The following DNAJC17 variants were observed in gnomAD, a reference collection of about 807,000 sequenced individuals.
DNAJC17 encodes dnaJ homolog subfamily C member 17.
A neutral mutation model predicts 48.1 loss-of-function variants in DNAJC17; 35 were observed. The observed-to-expected ratio is 0.73, with a 90% CI of 0.56 to 0.96. The LOEUF is 0.96. Among genes scored for constraint, DNAJC17 ranks in the 50% least tolerant of loss-of-function variants. The probability of loss-of-function intolerance (pLI) is 0.00; values close to 1 mark genes in which losing one functional copy is unlikely to be tolerated. For synonymous variants in DNAJC17, 117 were observed against 142.7 expected, an observed-to-expected ratio of 0.82 and a Z score of 1.28; for missense variants, 355 against 377.1, an observed-to-expected ratio of 0.94 and a Z score of 0.48.
chr15:40,796,062 T>C (rs1272053365), intron 1 of DNAJC17, among the ~76,000 whole-genome samples: 7 of 152,244 alleles, frequency 4.6e-5, no homozygotes, highest in Non-Finnish European at 8.8e-5. Flanking sequence ...TTCTGCATTA[T>C]AAACCAAAAG....
At chr15:40,777,875 A>G (rs1889375750) in intron 4 of DNAJC17, among the ~76,000 whole-genome samples, 1 of 152,196 alleles carries the variant, frequency 6.6e-6, no homozygotes, top group African/African-American at 2.4e-5. Flanking sequence ...AAATTTACGA[A>G]AAATCATTGA....
At position 40,774,366 on chromosome 15, in the gene DNAJC17, A is replaced by T. The variant is rs548038695; in HGVS notation, c.671T>A (p.Val224Asp). The change falls in exon 9 of 11, where the codon GTC (valine) becomes GAC (aspartate). Residue 224 changes from valine (V) to aspartate (D), a missense_variant. Val to Asp is a radical substitution (Grantham distance 152, BLOSUM62 -3). Transcript: ENST00000220496. The stretch of plus-strand genomic sequence containing the variant: ...TCATGCAGCACTCACCGCTGCCTTG[A>T]CGGTTGCAAACTCCACCACAGCAGT... ...PGTAVVEFAT[V>D]KAAELAVQNE... The T allele has an allele frequency of 1.2e-4, 193 of 1,613,966 alleles. 1 individual carries two copies. In the South Asian group the frequency reaches 2.0e-3, roughly 16 times the overall value.
intron 10 of DNAJC17, among the ~76,000 whole-genome samples, chr15:40,772,986 AGTCTTG>A (rs1377129797): frequency 6.9e-6 from 1 of 145,916 alleles, no homozygotes; most frequent in Admixed American, 6.8e-5. Context: ...TTTGAGATGA[AGTCTTG>A]CTCTGTTGCC....
intron 2 of DNAJC17, 143 bp downstream of exon 2, chr15:40,779,785 G>T (rs369035699): frequency 8.7e-5 from 98 of 1,128,172 alleles, no homozygotes; most frequent in Middle Eastern, 8.5e-4. Context: ...ACCCCTCACA[G>T]GAGGGAAGCC....
chr15:40,805,375 C>CAAA (rs559577744), intron 1 of DNAJC17, among the ~76,000 whole-genome samples: 9 of 107,878 alleles, frequency 8.3e-5, no homozygotes, highest in Middle Eastern at 5.2e-3. Flanking sequence ...TACTCTGTCT[C>CAAA]AAAAAAAAAA....
Position 40,766,717 on chromosome 15 carries a change from C to G in DNAJC17, c.*1223G>C, listed in dbSNP as rs1888958316. On this transcript the variant is annotated 3_prime_UTR_variant, in exon 11 of 11. Transcript: ENST00000220496. ...AGGGAGTGGCGCACAGAGCCAGGAG[C>G]TACTGGGGCTCAGCCTTGTTGCTAC... 1 of 152,512 alleles carries G rather than the reference C, an allele frequency of 6.6e-6. No homozygotes were observed. Among genetic ancestry groups the G allele is most frequent in the Non-Finnish European group, 1.5e-5 (1 of 68,238 alleles). 9.4% of individuals were successfully genotyped at this position (152,512 alleles called of 1,614,324 possible). A position where few individuals can be genotyped will look rare whatever the true frequency, so the allele number is the denominator to read the frequency against.
chr15:40,774,268 C>T, intron 9 of DNAJC17, 88 bp downstream of exon 9: 1 of 1,452,378 alleles, frequency 6.9e-7, no homozygotes, highest in South Asian at 1.2e-5. Context: ...GGAGTGCAGA[C>T]CACCTAACTC....
intron 4 of DNAJC17, 67 bp from the exon 5 acceptor site, chr15:40,776,694 C>T: frequency 6.5e-7 from 1 of 1,539,650 alleles, no homozygotes; most frequent in Non-Finnish European, 8.9e-7. Flanking sequence ...CGGCCCACCC[C>T]AGCTCTGGCT....
intron 1 of DNAJC17, among the ~76,000 whole-genome samples, chr15:40,804,122 C>A (rs923005148): frequency 6.7e-6 from 1 of 150,326 alleles, no homozygotes; most frequent in Admixed American, 6.6e-5. Flanking sequence ...GCGTAACACC[C>A]TGCCCAGCTT....
intron 2 of DNAJC17, 78 bp downstream of exon 2, chr15:40,779,850 C>G: frequency 1.3e-6 from 2 of 1,493,340 alleles, no homozygotes; most frequent in Non-Finnish European, 1.8e-6. Flanking sequence ...ACAGCACTCA[C>G]ATGCAGAGCT....
At chr15:40,782,777 C>G (rs1889537867) in intron 1 of DNAJC17, among the ~76,000 whole-genome samples, 1 of 152,116 alleles carries the variant, frequency 6.6e-6, no homozygotes, top group African/African-American at 2.4e-5. Flanking sequence ...ATGAGGCAGC[C>G]ACCGGGCCCA....
chr15:40,774,498 C>T (rs1043168938), intron 8 of DNAJC17, 62 bp from the exon 9 acceptor site: 1 of 1,585,384 alleles, frequency 6.3e-7, no homozygotes. Flanking sequence ...CAGGTCATGC[C>T]AGAGACAAGC....
intron 4 of DNAJC17, among the ~76,000 whole-genome samples, chr15:40,778,827 G>A (rs1420380842): frequency 2.6e-5 from 4 of 152,118 alleles, no homozygotes; most frequent in Non-Finnish European, 4.4e-5. Context: ...TCCCACTATC[G>A]TGAGGCTGAG....
At position 40,768,035 on chromosome 15, in the gene DNAJC17, C is replaced by G. The variant is rs988903938; in HGVS notation, c.820G>C (p.Glu274Gln). The G allele has an allele frequency of 2.5e-6, 4 of 1,590,846 alleles. No individual in the cohort carries two copies. In the African/African-American group the frequency reaches 5.4e-5, roughly 22 times the overall value. ...KGSVLSERDY[E>Q]SLVMMRMRQA... is the part of the protein sequence containing the mutation. Reference sequence around the variant, plus strand: ...CGCATGCGCATCATGACGAGGCTCTCGTAGTCCCTCTCTGACAGCACTGAG... The same window carrying G: ...CGCATGCGCATCATGACGAGGCTCTGGTAGTCCCTCTCTGACAGCACTGAG... Residue 274 changes from glutamate (E) to glutamine (Q), a missense_variant, in exon 11 of 11, where the codon GAG (glutamate) becomes CAG (glutamine). Coordinates refer to ENST00000220496, the MANE Select transcript of DNAJC17 (RefSeq NM_018163.3).
intron 9 of DNAJC17, 34 bp from the exon 10 acceptor site, chr15:40,773,871 G>A (rs746953884): frequency 2.1e-5 from 34 of 1,582,132 alleles, no homozygotes; most frequent in South Asian, 6.8e-5. Flanking sequence ...TGTCCCATCC[G>A]TTGAGTCAGC....
At chr15:40,802,417 C>G (rs562223944) in intron 1 of DNAJC17, among the ~76,000 whole-genome samples, 1 of 152,248 alleles carries the variant, frequency 6.6e-6, no homozygotes, top group Admixed American at 6.5e-5. Context: ...GATCTGCCTG[C>G]CTGGGCCTCT....
intron 1 of DNAJC17, among the ~76,000 whole-genome samples, chr15:40,793,950 A>G (rs73398557): frequency 2.7e-4 from 41 of 152,330 alleles, no homozygotes; most frequent in African/African-American, 9.1e-4. Flanking sequence ...TATAACTGCT[A>G]ATAAGTACAA....
At chr15:40,788,548 T>G (rs987854784) in intron 1 of DNAJC17, among the ~76,000 whole-genome samples, 1 of 151,648 alleles carries the variant, frequency 6.6e-6, no homozygotes, top group Admixed American at 6.6e-5. Context: ...TACAAGAAAT[T>G]AGCCGGGCAT....
At chr15:40,779,633 AAAAT>A (rs774617563) in intron 2 of DNAJC17, 30 bp from the exon 3 acceptor site, 1 of 1,613,084 alleles carries the variant, frequency 6.2e-7, no homozygotes, top group African/African-American at 1.3e-5. Context: ...AGACAGAAGA[AAAAT>A]AAAGTTAAGA....
Sources: allele counts gnomAD v4.1 joint callset (sites outside exome capture counted in the v4.1 genomes callset), GRCh38; gene constraint gnomAD v4.1.1; transcripts MANE v1.5; gene names NCBI Gene and HGNC (gene_info 2026-07-23, HGNC 2026-07-21).